Variants in PRKN observed in about 807,000 individuals in gnomAD.
PRKN encodes E3 ubiquitin-protein ligase parkin.
Under a neutral mutation model 59.5 loss-of-function variants are expected in PRKN, and 56 were observed. The ratio of observed to expected loss-of-function variants is 0.94; its 90% confidence interval spans 0.76 to 1.18. PRKN has a LOEUF of 1.18. PRKN is among the 50% of genes most tolerant of loss of function. The pLI is 0.00. For missense variants in PRKN, 657 were observed against 596.4 expected, an observed-to-expected ratio of 1.10 and a Z score of -1.06; for synonymous variants, 250 against 222.1, an observed-to-expected ratio of 1.13 and a Z score of -1.12.
intron 5 of PRKN, among the ~76,000 whole-genome samples, chr6:161,979,696 C>A (rs1339322746): frequency 6.6e-6 from 1 of 152,172 alleles, no homozygotes; most frequent in Non-Finnish European, 1.5e-5. Flanking sequence ...TCCTTCCATT[C>A]TTCTCTTTCA....
intron 2 of PRKN, among the ~76,000 whole-genome samples, chr6:162,439,669 G>A (rs997045425): frequency 3.5e-5 from 5 of 141,654 alleles, no homozygotes; most frequent in African/African-American, 1.1e-4. Flanking sequence ...GAGACAGTGA[G>A]ACTAACTCCC....
chr6:162,113,761 T>A (rs983702695), intron 4 of PRKN, among the ~76,000 whole-genome samples: 3 of 152,206 alleles, frequency 2.0e-5, no homozygotes, highest in African/African-American at 7.2e-5. Context: ...TGCCATTGTT[T>A]TTGGTGTTTT....
intron 6 of PRKN, among the ~76,000 whole-genome samples, chr6:161,890,015 C>A (rs1795283855): frequency 6.6e-6 from 1 of 152,174 alleles, no homozygotes; most frequent in Non-Finnish European, 1.5e-5. Context: ...CAGCTGGGGT[C>A]TGAGGCCTCT....
rs1348863899 is a variant in PRKN, at chr6:161,396,363, G to A, written c.1084-9486C>T. Among the ~76,000 whole-genome samples, 1 of 152,100 alleles carries A rather than the reference G, an allele frequency of 6.6e-6. No homozygotes were observed. The highest frequency in any genetic ancestry group is 2.1e-4 in the South Asian group (1 of 4,826). ...GGCGGGCAAATTTCAATATCTAACTGAGAATTCCCTTTACCATCCTGCAAG... is the reference window on the plus strand; with the variant it reads ...GGCGGGCAAATTTCAATATCTAACTAAGAATTCCCTTTACCATCCTGCAAG... On this transcript the variant is annotated intron_variant, in intron 9 of 11. Transcript: ENST00000366898. The surrounding 1 kb of genome is among the most constrained non-coding windows in gnomAD (Gnocchi z 5.4).
At chr6:162,040,181 T>C (rs1351594156) in intron 5 of PRKN, among the ~76,000 whole-genome samples, 2 of 152,154 alleles carry the variant, frequency 1.3e-5, no homozygotes, top group Admixed American at 6.5e-5. Context: ...CATTTCCATG[T>C]GCCTTTCCCT....
Position 161,549,015 on chromosome 6 carries a change from A to G in PRKN, c.934-12T>C, listed in dbSNP as rs780990333. The G allele has an allele frequency of 1.9e-6, 3 of 1,613,972 alleles. No individual in the cohort carries two copies. Among genetic ancestry groups the G allele is most frequent in the South Asian group, 1.1e-5 (1 of 91,070 alleles). Reference sequence around the variant, plus strand: ...TGGTACCGGTTGTACTGCAAAACCCAAAAAGCAGATTGAGCTTTCAAACTG... The same window carrying G: ...TGGTACCGGTTGTACTGCAAAACCCGAAAAGCAGATTGAGCTTTCAAACTG... On this transcript the variant is annotated splice_polypyrimidine_tract_variant and intron_variant, in intron 8 of 11. Coordinates refer to ENST00000366898, the MANE Select transcript of PRKN (RefSeq NM_004562.3). This position sits in a 1 kb window ranked among gnomAD's most constrained non-coding sequence, Gnocchi z 6.0.
chr6:162,283,888 A>T (rs982871460), intron 2 of PRKN, among the ~76,000 whole-genome samples: 1 of 152,244 alleles, frequency 6.6e-6, no homozygotes, highest in Non-Finnish European at 1.5e-5. Flanking sequence ...AAATAAAGAT[A>T]CACACTAGCG....
Position 161,430,825 on chromosome 6 carries a change from A to G in PRKN, c.1084-43948T>C, listed in dbSNP as rs1452562449. On this transcript the variant is annotated intron_variant, in intron 9 of 11. Coordinates refer to ENST00000366898, the MANE Select transcript of PRKN (RefSeq NM_004562.3). The stretch of plus-strand genomic sequence containing the variant: ...GCCAGACTCCGTCTCAAAAAAAAAA[A>G]AAAAAAAAAAAAAGAAATACTGAAT... Among the ~76,000 whole-genome samples, 746 of 148,322 alleles carry G rather than the reference A, an allele frequency of 5.0e-3. 12 individuals are homozygous for G. The East Asian group carries it at 0.058, about 12-fold the overall frequency.
chr6:161,868,394 C>T (rs913610381), intron 6 of PRKN, among the ~76,000 whole-genome samples: 1 of 151,802 alleles, frequency 6.6e-6, no homozygotes, highest in Admixed American at 6.6e-5. Flanking sequence ...GCCTGGCTAA[C>T]GTGGCAAAAC....
rs185079419 is a variant in PRKN at position 162,414,805 on chromosome 6, T to C, written c.171+28505A>G. 6.0e-5 allele frequency among the ~76,000 whole-genome samples: 9 copies of C among 151,194 alleles called. No individual in the cohort carries two copies. The East Asian group carries it at 1.8e-3, about 29-fold the overall frequency. The stretch of plus-strand genomic sequence containing the variant: ...CAGAATGGAAAGTGTAAAGATGACA[T>C]ATATATAGTGAGCATTCTTAAAACT... On this transcript the variant is annotated intron_variant, in intron 2 of 11. Transcript: ENST00000366898.
chr6:161,754,652 A>G (rs1788837631), intron 7 of PRKN, among the ~76,000 whole-genome samples: 2 of 152,052 alleles, frequency 1.3e-5, no homozygotes, highest in Admixed American at 1.3e-4. Flanking sequence ...CTGGGGGCCA[A>G]CTCACATCCC....
intron 6 of PRKN, among the ~76,000 whole-genome samples, chr6:161,880,827 G>T (rs1299433947): frequency 6.6e-6 from 1 of 152,146 alleles, no homozygotes; most frequent in African/African-American, 2.4e-5. Flanking sequence ...AAGACAGCCG[G>T]AAAGAGCAGC....
At position 162,129,928 on chromosome 6, in the gene PRKN, T is replaced by C. The variant is rs533522741; in HGVS notation, c.534+71203A>G. On this transcript the variant is annotated intron_variant, in intron 4 of 11. Coordinates refer to ENST00000366898, the MANE Select transcript of PRKN (RefSeq NM_004562.3). ...TATAGAAGTTAAAAATATACGAAAATAGGAAATAATATGTACTAATTAAAG... is the reference window on the plus strand; with the variant it reads ...TATAGAAGTTAAAAATATACGAAAACAGGAAATAATATGTACTAATTAAAG... Among the ~76,000 whole-genome samples the C allele has an allele frequency of 2.0e-5, 3 of 151,942 alleles. No homozygotes were observed. In the South Asian group the frequency reaches 6.2e-4, roughly 32 times the overall value.
intron 7 of PRKN, among the ~76,000 whole-genome samples, chr6:161,733,532 T>G (rs1787808535): frequency 6.6e-6 from 1 of 152,046 alleles, no homozygotes; most frequent in African/African-American, 2.4e-5. Context: ...ACCTAGGAGA[T>G]AAAACTCCCT....
chr6:162,293,573 C>T (rs1781533313), intron 2 of PRKN, among the ~76,000 whole-genome samples: 2 of 152,168 alleles, frequency 1.3e-5, no homozygotes, highest in Non-Finnish European at 2.9e-5. Context: ...GGGGGCCCCA[C>T]CTCCACTTTT....
chr6:161,996,396 T>C (rs1478327304), intron 5 of PRKN, among the ~76,000 whole-genome samples: 1 of 152,206 alleles, frequency 6.6e-6, no homozygotes, highest in Non-Finnish European at 1.5e-5. Flanking sequence ...ATATGTTTCT[T>C]CAAGCCAGCA....
At chr6:162,611,515 T>C (rs1164304687) in intron 1 of PRKN, among the ~76,000 whole-genome samples, 2 of 152,242 alleles carry the variant, frequency 1.3e-5, no homozygotes, top group African/African-American at 2.4e-5. Context: ...CAAGGGTGCA[T>C]TACACTCAGA....
At chr6:161,658,832 T>G (rs968622639) in intron 7 of PRKN, among the ~76,000 whole-genome samples, 3 of 152,236 alleles carry the variant, frequency 2.0e-5, no homozygotes, top group African/African-American at 7.2e-5. Flanking sequence ...ATGGGCTTGA[T>G]TTTTAACCCC....
At chr6:161,681,857 T>C (rs906708042) in intron 7 of PRKN, among the ~76,000 whole-genome samples, 1 of 152,240 alleles carries the variant, frequency 6.6e-6, no homozygotes, top group African/African-American at 2.4e-5. Flanking sequence ...TCGTTCTTCA[T>C]GCCAAAGGGC....
Sources: allele counts gnomAD v4.1 joint callset (sites outside exome capture counted in the v4.1 genomes callset), GRCh38; gene constraint gnomAD v4.1.1; non-coding constraint Gnocchi (gnomAD v3.1); transcripts MANE v1.5; gene names NCBI Gene and HGNC (gene_info 2026-07-23, HGNC 2026-07-21).